The following SH3GL2 variants were observed in gnomAD, a reference collection of about 807,000 sequenced individuals.
SH3GL2 encodes SH3 domain containing GRB2 like 2, endophilin A1.
In SH3GL2, 24 loss-of-function variants were observed where a neutral mutation model predicts 46.0. That is an observed-to-expected ratio of 0.52 (90% CI 0.38 to 0.73). The LOEUF is 0.73. Among genes scored for constraint, SH3GL2 ranks in the 30% least tolerant of loss-of-function variants. The pLI, the probability that SH3GL2 is intolerant of heterozygous loss-of-function variation, is 0.00. For missense variants in SH3GL2, 413 were observed against 424.2 expected (o/e 0.97, Z 0.23); for synonymous variants, 196 against 147.1 (o/e 1.33, Z -2.40).
chr9:17,790,999 C>T lies in SH3GL2; in HGVS notation c.625-232C>T, dbSNP rs143231002. ...TTCCTGAGGGTTACCCATGTTGCTT[C>T]TCCTCATGGTACTGATACGCATGAT... is the stretch of plus-strand genomic sequence containing the variant. On this transcript the variant is annotated intron_variant, in intron 6 of 8. Transcript: ENST00000380607. Among the ~76,000 whole-genome samples the T allele has an allele frequency of 6.4e-3, 973 of 152,250 alleles. 10 individuals carry two copies. Among genetic ancestry groups the T allele is most frequent in the South Asian group, 8.1e-3 (39 of 4,826 alleles).
At chr9:17,631,218 A>G (rs112881253) in intron 1 of SH3GL2, among the ~76,000 whole-genome samples, 3,471 of 152,314 alleles carry the variant, frequency 0.023, 127 homozygotes, top group African/African-American at 0.079. Context: ...GCAGTTTCCA[A>G]GGCTTCAAGG....
chr9:17,729,071 T>C (rs987797631), intron 1 of SH3GL2, among the ~76,000 whole-genome samples: 2 of 152,194 alleles, frequency 1.3e-5, no homozygotes, highest in African/African-American at 4.8e-5. Context: ...ATGACAAATT[T>C]ATACTCCAAC....
intron 1 of SH3GL2, among the ~76,000 whole-genome samples, chr9:17,743,411 CTAA>C (rs3842208): frequency 0.15 from 23,481 of 151,782 alleles, 2,055 homozygotes; most frequent in Admixed American, 0.25. Flanking sequence ...TACATAACTG[CTAA>C]TAACATCATT....
At position 17,627,339 on chromosome 9, in the gene SH3GL2, G is replaced by A. The variant is rs559275218; in HGVS notation, c.45+48052G>A. Among the ~76,000 whole-genome samples the A allele has an allele frequency of 1.9e-3, 293 of 152,222 alleles. 1 individual carries two copies. The highest frequency in any genetic ancestry group is 6.7e-3 in the African/African-American group (280 of 41,536). On this transcript the variant is annotated intron_variant, in intron 1 of 8. Coordinates refer to ENST00000380607, the MANE Select transcript of SH3GL2 (RefSeq NM_003026.5). ...GCAGAGAGCTAGCTTGATCGTTGGG[G>A]AATAATGGCAGAGCTCTCAGAAGGT...
chr9:17,649,632 T>G (rs1819907611), intron 1 of SH3GL2, among the ~76,000 whole-genome samples: 1 of 152,218 alleles, frequency 6.6e-6, no homozygotes, highest in South Asian at 2.1e-4. Context: ...ACAAGGGAGT[T>G]TGCTTTATTA....
chr9:17,714,675 A>G (rs1214347814), intron 1 of SH3GL2, among the ~76,000 whole-genome samples: 1 of 151,798 alleles, frequency 6.6e-6, no homozygotes, highest in Non-Finnish European at 1.5e-5. Context: ...CCTTTATGTT[A>G]CTGTTGTCGT....
intron 1 of SH3GL2, among the ~76,000 whole-genome samples, chr9:17,685,809 C>T (rs997777902): frequency 9.2e-5 from 14 of 151,988 alleles, no homozygotes; most frequent in African/African-American, 3.1e-4. Context: ...TGATCTATAT[C>T]TCTGTTTTGG....
At chr9:17,765,403 T>A (rs1396876599) in intron 3 of SH3GL2, among the ~76,000 whole-genome samples, 1 of 152,244 alleles carries the variant, frequency 6.6e-6, no homozygotes, top group African/African-American at 2.4e-5. Context: ...TTCTTAAAAC[T>A]CAGTTCCTAT....
At chr9:17,641,643 A>C (rs1400488060) in intron 1 of SH3GL2, among the ~76,000 whole-genome samples, 1 of 151,906 alleles carries the variant, frequency 6.6e-6, no homozygotes, top group East Asian at 1.9e-4. Context: ...CCCTGTGTCC[A>C]TGTGTTCTCA....
intron 1 of SH3GL2, among the ~76,000 whole-genome samples, chr9:17,587,999 C>A (rs1358524892): frequency 2.6e-5 from 4 of 151,830 alleles, no homozygotes; most frequent in Non-Finnish European, 5.9e-5. Context: ...CTTTTTTAGA[C>A]CTAATTTTCA....
chr9:17,631,057 A>G (rs573822068), intron 1 of SH3GL2, among the ~76,000 whole-genome samples: 10 of 152,058 alleles, frequency 6.6e-5, no homozygotes, highest in African/African-American at 1.4e-4. Flanking sequence ...TCCCAAGCCT[A>G]TGCATGCAGT....
intron 3 of SH3GL2, among the ~76,000 whole-genome samples, chr9:17,784,528 A>AT (rs1469442315): frequency 6.6e-6 from 1 of 151,964 alleles, no homozygotes; most frequent in Non-Finnish European, 1.5e-5. Context: ...TCGTGCTGTC[A>AT]TTCTTCAGTG....
At chr9:17,596,992 G>A (rs1390444496) in intron 1 of SH3GL2, among the ~76,000 whole-genome samples, 1 of 152,138 alleles carries the variant, frequency 6.6e-6, no homozygotes, top group Non-Finnish European at 1.5e-5. Context: ...CGACCTCTGA[G>A]ATAAATAATT....
intron 1 of SH3GL2, among the ~76,000 whole-genome samples, chr9:17,596,477 G>A (rs184040273): frequency 2.0e-5 from 3 of 152,192 alleles, no homozygotes; most frequent in African/African-American, 7.2e-5. Flanking sequence ...TGGTAATTTG[G>A]TGTGAGCTGT....
chr9:17,622,377 G>A (rs995639175), intron 1 of SH3GL2, among the ~76,000 whole-genome samples: 1 of 152,128 alleles, frequency 6.6e-6, no homozygotes, highest in Admixed American at 6.6e-5. Context: ...AGGGGCAGGG[G>A]AATAATTTCA....
chr9:17,680,110 C>T (rs978719226), intron 1 of SH3GL2, among the ~76,000 whole-genome samples: 21 of 152,216 alleles, frequency 1.4e-4, no homozygotes, highest in African/African-American at 4.8e-4. Flanking sequence ...TGTGTCTCTG[C>T]CCGGCTTTGG....
chr9:17,642,712 A>G (rs1241815696), intron 1 of SH3GL2, among the ~76,000 whole-genome samples: 5 of 152,084 alleles, frequency 3.3e-5, no homozygotes, highest in African/African-American at 1.2e-4. Flanking sequence ...ACTGGTCCAT[A>G]TATCTGTTTT....
intron 1 of SH3GL2, among the ~76,000 whole-genome samples, chr9:17,678,944 A>G (rs1437475238): frequency 6.6e-6 from 1 of 151,824 alleles, no homozygotes; most frequent in East Asian, 1.9e-4. Flanking sequence ...ACTGTTGTAG[A>G]TGTGTGATAT....
At chr9:17,610,168 C>T (rs893660973) in intron 1 of SH3GL2, among the ~76,000 whole-genome samples, 1 of 152,196 alleles carries the variant, frequency 6.6e-6, no homozygotes, top group Admixed American at 6.5e-5. Context: ...AGTTAGCTTC[C>T]TCAGGGTATT....
Sources: gnomAD v4.1 joint callset for allele counts (sites outside exome capture counted in the v4.1 genomes callset) on GRCh38, gnomAD v4.1.1 for gene constraint, MANE v1.5 for transcripts, NCBI Gene and HGNC (gene_info 2026-07-23, HGNC 2026-07-21) for gene names.